Variants in CACNA1D observed in about 807,000 individuals in gnomAD.
CACNA1D encodes voltage-dependent L-type calcium channel subunit alpha-1D.
A neutral mutation model predicts 257.1 loss-of-function variants in CACNA1D; 55 were observed. The ratio of observed to expected loss-of-function variants is 0.21; its 90% CI spans 0.17 to 0.27. CACNA1D has a LOEUF of 0.27. CACNA1D is among the 10% of genes least tolerant of loss of function. The pLI is 1.00. For synonymous variants in CACNA1D, 980 were observed against 1,014.9 expected, an observed-to-expected ratio of 0.97 and a Z score of 0.65; for missense variants, 1,876 against 2,784.0, an observed-to-expected ratio of 0.67 and a Z score of 7.34.
rs909266287 is a variant in CACNA1D at position 53,495,969 on chromosome 3, C to CA, written c.67+737dup. 4.6e-5 allele frequency among the ~76,000 whole-genome samples: 7 copies of CA among 152,238 alleles called. No individual in the cohort carries two copies. Among genetic ancestry groups the CA allele is most frequent in the Non-Finnish European group, 1.0e-4 (7 of 68,042 alleles). On this transcript the variant is annotated intron_variant, in intron 1 of 47. Transcript: ENST00000350061. The surrounding 1 kb of genome is among the most constrained non-coding windows in gnomAD (Gnocchi z 5.1). Reference sequence around the variant, plus strand: ...GCCAGCCCTCCCCTTTGGAGACCGCCAGTGCCCCCCAACCCCTGTCGGCTG... The same window carrying CA: ...GCCAGCCCTCCCCTTTGGAGACCGCCAAGTGCCCCCCAACCCCTGTCGGCTG...
chr3:53,723,893 C>T lies in CACNA1D; in HGVS notation c.1994C>T (p.Ser665Phe). ...CTTTTTCTCTTCATTATCATCTTTT[C>T]CTTGCTTGGGATGCAGCTGTTTGGC... The part of the protein sequence containing the change: ...LLLFLFIIIF[S>F]LLGMQLFGGK... Residue 665 changes from serine to phenylalanine, a missense_variant, in exon 14 of 48, where the codon TCC becomes TTC. Ser to Phe is a radical substitution (Grantham distance 155, BLOSUM62 -2). Around this residue, in one of 10 missense-constraint regions of CACNA1D, gnomAD observed 257 missense variants for 399.7 expected, o/e 0.64. Transcript: ENST00000350061. This position sits in a 1 kb window ranked among gnomAD's most constrained non-coding sequence, Gnocchi z 5.6. 1 of 1,614,174 alleles carries T rather than the reference C, an allele frequency of 6.2e-7. No homozygotes were observed. Among genetic ancestry groups the T allele is most frequent in the Non-Finnish European group, 8.5e-7 (1 of 1,180,028 alleles).
At chr3:53,731,579 GT>G (rs2094993104) in intron 17 of CACNA1D, among the ~76,000 whole-genome samples, 1 of 152,180 alleles carries the variant, frequency 6.6e-6, no homozygotes. Context: ...AGCCCTGGTT[GT>G]TTTGTTCTTT....
chr3:53,671,990 C>A (rs2094327662), intron 7 of CACNA1D, among the ~76,000 whole-genome samples: 1 of 152,204 alleles, frequency 6.6e-6, no homozygotes, highest in African/African-American at 2.4e-5. Context: ...CTGACTGGTT[C>A]TTAACACCTC....
intron 3 of CACNA1D, among the ~76,000 whole-genome samples, chr3:53,554,227 C>G (rs2092596847): frequency 6.6e-6 from 1 of 150,900 alleles, no homozygotes; most frequent in Non-Finnish European, 1.5e-5. Flanking sequence ...AATTATCATA[C>G]AAATCATATT....
intron 45 of CACNA1D, among the ~76,000 whole-genome samples, chr3:53,806,022 GT>G (rs2095563348): frequency 3.7e-5 from 1 of 26,834 alleles, no homozygotes; most frequent in African/African-American, 2.0e-4. Context: ...CCTCCCTCAT[GT>G]TCCCTCCTCC....
intron 23 of CACNA1D, among the ~76,000 whole-genome samples, chr3:53,745,266 A>T (rs1407552624): frequency 6.7e-6 from 1 of 149,354 alleles, no homozygotes; most frequent in Non-Finnish European, 1.5e-5. Flanking sequence ...TTTGAAACGG[A>T]GTCTTGCTCT....
chr3:53,777,622 T>C (rs572315952), intron 37 of CACNA1D, among the ~76,000 whole-genome samples: 9 of 152,282 alleles, frequency 5.9e-5, no homozygotes, highest in Non-Finnish European at 8.8e-5. Context: ...AGCCTCGGCA[T>C]TGGGGGACAT....
At chr3:53,719,264 C>G (rs2094856306) in intron 10 of CACNA1D, among the ~76,000 whole-genome samples, 1 of 152,220 alleles carries the variant, frequency 6.6e-6, no homozygotes, top group Admixed American at 6.5e-5. Context: ...CATTCTCTTG[C>G]TCTGCCCTCT....
At chr3:53,771,316 A>T (rs1237485996) in intron 32 of CACNA1D, among the ~76,000 whole-genome samples, 1 of 152,182 alleles carries the variant, frequency 6.6e-6, no homozygotes, top group East Asian at 1.9e-4. Context: ...TTATTTGACT[A>T]TTTTTCATTC....
At chr3:53,731,186 A>G (rs566761395) in intron 17 of CACNA1D, 40 bp downstream of exon 17, 14 of 1,304,360 alleles carry the variant, frequency 1.1e-5, no homozygotes, top group Non-Finnish European at 1.6e-5. Flanking sequence ...TTGTTTCAAA[A>G]TGATCCTGTT....
chr3:53,497,074 A>G, intron 1 of CACNA1D, 78 bp from the exon 2 acceptor site: 1 of 1,076,118 alleles, frequency 9.3e-7, no homozygotes, highest in Non-Finnish European at 1.4e-6. Context: ...TTGATGGGAG[A>G]CAACCTTTGA....
intron 3 of CACNA1D, among the ~76,000 whole-genome samples, chr3:53,544,518 C>T (rs2107542174): frequency 6.6e-6 from 1 of 152,106 alleles, no homozygotes; most frequent in East Asian, 1.9e-4. Context: ...AACCTCCAGT[C>T]CTGGGATGAT....
chr3:53,539,175 T>C (rs1231697165), intron 3 of CACNA1D, among the ~76,000 whole-genome samples: 1 of 152,120 alleles, frequency 6.6e-6, no homozygotes, highest in Non-Finnish European at 1.5e-5. Flanking sequence ...AGTGGCGTGA[T>C]TTCAGCTCAC....
At chr3:53,802,043 C>T in intron 42 of CACNA1D, 104 bp from the exon 43 acceptor site, 1 of 1,003,682 alleles carries the variant, frequency 1.0e-6, no homozygotes, top group East Asian at 2.4e-5. Flanking sequence ...TCATAATTTG[C>T]TAACCCCTAC....
Position 53,811,057 on chromosome 3 carries a change from C to G in CACNA1D, c.6193-56C>G, listed in dbSNP as rs772869731. 2.1e-5 allele frequency: 30 copies of G among 1,410,370 alleles called. No homozygotes were observed. The highest frequency in any genetic ancestry group is 3.0e-5 in the Non-Finnish European group (30 of 994,724). The allele number at this position is 1,410,370 out of a possible 1,614,324, so 87.4% of individuals were successfully genotyped here. Reference sequence around the variant, plus strand: ...TGGAGTTGATTTTTCTGTCGTCCCCCTGCCCTGCAAAGCCTTATAACACCC... The same window carrying G: ...TGGAGTTGATTTTTCTGTCGTCCCCGTGCCCTGCAAAGCCTTATAACACCC... On this transcript the variant is annotated intron_variant, in intron 47 of 47. Coordinates refer to ENST00000350061, the MANE Select transcript of CACNA1D (RefSeq NM_001128840.3). The surrounding 1 kb of genome is among the most constrained non-coding windows in gnomAD (Gnocchi z 4.2).
In CACNA1D at chr3:53,804,854, C is replaced by A; in HGVS notation, c.5586-129C>A. On this transcript the variant is annotated intron_variant, in intron 44 of 47. Coordinates refer to ENST00000350061, the MANE Select transcript of CACNA1D (RefSeq NM_001128840.3). ...GAATCTTCCATGAAACTGAGGCCAGCCTTGTTCTCAGCCAATCCTACTGTG... is the reference window on the plus strand; with the variant it reads ...GAATCTTCCATGAAACTGAGGCCAGACTTGTTCTCAGCCAATCCTACTGTG... 3 of 897,122 alleles carry A rather than the reference C, an allele frequency of 3.3e-6. No individual in the cohort carries two copies. In the South Asian group the frequency reaches 4.1e-5, roughly 12 times the overall value. The allele number at this position is 897,122 out of a possible 1,614,324, so 55.6% of individuals were successfully genotyped here.
At chr3:53,668,689 G>A (rs1343074244) in intron 7 of CACNA1D, among the ~76,000 whole-genome samples, 1 of 152,116 alleles carries the variant, frequency 6.6e-6, no homozygotes, top group Non-Finnish European at 1.5e-5. Flanking sequence ...TTTCATAAGG[G>A]GGCAAATAGA....
At chr3:53,654,931 A>G (rs11712998) in intron 4 of CACNA1D, among the ~76,000 whole-genome samples, 31,690 of 152,140 alleles carry the variant, frequency 0.21, 3,552 homozygotes, top group Middle Eastern at 0.29. Context: ...ACAAATAGAA[A>G]ACAAACGGCA....
intron 2 of CACNA1D, among the ~76,000 whole-genome samples, chr3:53,498,974 G>T (rs1392692305): frequency 6.6e-6 from 1 of 152,198 alleles, no homozygotes; most frequent in Non-Finnish European, 1.5e-5. Context: ...GCCAGCATGT[G>T]GCCCAGTGGC....
Sources: allele counts gnomAD v4.1 joint callset (sites outside exome capture counted in the v4.1 genomes callset), GRCh38; gene constraint gnomAD v4.1.1; regional missense constraint gnomAD v4.1.1; non-coding constraint Gnocchi (gnomAD v3.1); transcripts MANE v1.5; gene names NCBI Gene and HGNC (gene_info 2026-07-23, HGNC 2026-07-21).